SLCO3A1: variants seen among roughly 807,000 people sequenced by gnomAD.
The protein encoded by SLCO3A1 is solute carrier organic anion transporter family member 3A1, also known as PGE1 transporter.
In SLCO3A1, 27 loss-of-function variants were observed where a neutral mutation model predicts 63.1. That is an observed-to-expected ratio of 0.43 (90% CI 0.32 to 0.59). The LOEUF is 0.59. SLCO3A1 is among the 20% of genes least tolerant of loss of function. The pLI is 0.09. For synonymous variants in SLCO3A1, 473 were observed against 409.9 expected (o/e 1.15, Z -1.86); for missense variants, 773 against 945.8 (o/e 0.82, Z 2.40).
At chr15:92,081,981 C>A (rs2047352141) in intron 2 of SLCO3A1, among the ~76,000 whole-genome samples, 3 of 152,196 alleles carry the variant, frequency 2.0e-5, no homozygotes, top group African/African-American at 4.8e-5. Flanking sequence ...CTGGCTCTGT[C>A]ATGTACTGTG....
chr15:92,016,243 A>AGAT (rs1310625838), intron 2 of SLCO3A1, among the ~76,000 whole-genome samples: 1,790 of 64,726 alleles, frequency 0.028, 58 homozygotes, highest in African/African-American at 0.13. Context: ...ATAGATAGAT[A>AGAT]GATAGATAGA....
intron 1 of SLCO3A1, among the ~76,000 whole-genome samples, chr15:91,901,873 C>T (rs2151368554): frequency 6.6e-6 from 1 of 150,858 alleles, no homozygotes; most frequent in South Asian, 2.1e-4. Flanking sequence ...TATTTCACTA[C>T]ATTTTGGATG....
In SLCO3A1 at chr15:91,856,925, C is replaced by T. The variant is rs907506293; in HGVS notation, c.180+2837C>T. Reference sequence around the variant, plus strand: ...ATTTCCTTATTTTTTTCTGAAAAGACAAATTTCTCAGTGTCCTGAATGACA... The same window carrying T: ...ATTTCCTTATTTTTTTCTGAAAAGATAAATTTCTCAGTGTCCTGAATGACA... On this transcript the variant is annotated intron_variant, in intron 1 of 9. Coordinates refer to ENST00000318445, the MANE Select transcript of SLCO3A1 (RefSeq NM_013272.4). The surrounding 1 kb of genome is among the most constrained non-coding windows in gnomAD (Gnocchi z 4.9). Among the ~76,000 whole-genome samples the T allele has an allele frequency of 6.6e-6, 1 of 151,972 alleles. No individual in the cohort carries two copies. The highest frequency in any genetic ancestry group is 1.5e-5 in the Non-Finnish European group (1 of 68,018).
chr15:92,016,266 A>ATTGATTGAT (rs33962041), intron 2 of SLCO3A1, among the ~76,000 whole-genome samples: 22 of 135,008 alleles, frequency 1.6e-4, no homozygotes, highest in African/African-American at 5.9e-4. Context: ...AGATAGATAG[A>ATTGATTGAT]TAGATAGATA....
At chr15:92,124,282 G>A (rs2047895955) in intron 5 of SLCO3A1, among the ~76,000 whole-genome samples, 1 of 152,200 alleles carries the variant, frequency 6.6e-6, no homozygotes, top group African/African-American at 2.4e-5. Context: ...GAATTTCAGG[G>A]AAGTTCTGAT....
intron 2 of SLCO3A1, among the ~76,000 whole-genome samples, chr15:92,089,008 A>ATTATTTATTTATTTAT (rs1555431409): frequency 3.3e-5 from 3 of 90,582 alleles, no homozygotes; most frequent in Admixed American, 1.1e-4. Context: ...TTATTTATTT[A>ATTATTTATTTATTTAT]TTATTTATTT....
chr15:91,870,263 T>G (rs1897254999), intron 1 of SLCO3A1, among the ~76,000 whole-genome samples: 2 of 151,322 alleles, frequency 1.3e-5, no homozygotes, highest in South Asian at 2.1e-4. Context: ...GTAGATATAC[T>G]TATAAAATGT....
At chr15:92,132,014 C>T (rs1403340220) in intron 7 of SLCO3A1, among the ~76,000 whole-genome samples, 1 of 145,652 alleles carries the variant, frequency 6.9e-6, no homozygotes, top group Non-Finnish European at 1.5e-5. Context: ...TCAGCCATGG[C>T]TCTGGATAAA....
rs79784420 is a variant in SLCO3A1 at position 92,143,992 on chromosome 15, C to G, written c.1513-2992C>G. On this transcript the variant is annotated intron_variant, in intron 7 of 9. Transcript: ENST00000318445. ...ACCAGAGGTGGGCATGGCGCCTCCA[C>G]TGGTCAGCAGGGTAGGCAGAAAAGA... Among the ~76,000 whole-genome samples the G allele has an allele frequency of 1.1e-4, 17 of 152,330 alleles. No individual in the cohort carries two copies. The East Asian group carries it at 3.3e-3, about 29-fold the overall frequency.
chr15:92,064,431 A>G (rs1276208079), intron 2 of SLCO3A1, among the ~76,000 whole-genome samples: 1 of 83,852 alleles, frequency 1.2e-5, no homozygotes, highest in Non-Finnish European at 2.9e-5. Context: ...GCTGTGCAGA[A>G]GCTTTTTAGC....
chr15:92,099,345 C>T (rs552929100), intron 3 of SLCO3A1, among the ~76,000 whole-genome samples: 68 of 152,206 alleles, frequency 4.5e-4, no homozygotes, highest in African/African-American at 1.6e-3. Flanking sequence ...CCCTTCCTGT[C>T]TCCAGTTTCT....
intron 1 of SLCO3A1, among the ~76,000 whole-genome samples, chr15:91,881,942 G>A (rs578212915): frequency 6.6e-6 from 1 of 152,256 alleles, no homozygotes; most frequent in East Asian, 1.9e-4. Context: ...CTCTCTTCGG[G>A]TCTCTTTTAC....
At chr15:92,052,502 T>G (rs2046969939) in intron 2 of SLCO3A1, among the ~76,000 whole-genome samples, 1 of 152,132 alleles carries the variant, frequency 6.6e-6, no homozygotes, top group South Asian at 2.1e-4. Flanking sequence ...GAGTTCTTTC[T>G]CAGCAGTTTC....
intron 2 of SLCO3A1, among the ~76,000 whole-genome samples, chr15:92,069,465 C>CTTA (rs1042825761): frequency 2.0e-5 from 3 of 152,208 alleles, no homozygotes; most frequent in African/African-American, 7.2e-5. Context: ...TCTGCAAGGA[C>CTTA]TTATGTTGGT....
chr15:91,945,737 C>G (rs909570584), intron 2 of SLCO3A1, among the ~76,000 whole-genome samples: 3 of 152,184 alleles, frequency 2.0e-5, no homozygotes, highest in African/African-American at 7.2e-5. Flanking sequence ...TAGGTAGGAA[C>G]AATGTGATCC....
At chr15:91,984,920 C>CT (rs1471102289) in intron 2 of SLCO3A1, among the ~76,000 whole-genome samples, 2 of 151,942 alleles carry the variant, frequency 1.3e-5, no homozygotes, top group Non-Finnish European at 2.9e-5. Context: ...TCAACTCACA[C>CT]TTTTTTTTGC....
At chr15:91,913,340 T>C (rs1041079274) in intron 1 of SLCO3A1, among the ~76,000 whole-genome samples, 1 of 152,166 alleles carries the variant, frequency 6.6e-6, no homozygotes, top group Non-Finnish European at 1.5e-5. Context: ...CAATAATGGG[T>C]GTCATGGCCT....
At position 91,885,260 on chromosome 15, in the gene SLCO3A1, A is replaced by G. The variant is rs148112140; in HGVS notation, c.181-30733A>G. On this transcript the variant is annotated intron_variant, in intron 1 of 9. Coordinates refer to ENST00000318445, the MANE Select transcript of SLCO3A1 (RefSeq NM_013272.4). This position sits in a 1 kb window ranked among gnomAD's most constrained non-coding sequence, Gnocchi z 4.7. Reference sequence around the variant, plus strand: ...ACCCCTGGCTGGGCCTTTTCTCACCATCTTCCTTCTCCAGGGCTACCTCCT... The same window carrying G: ...ACCCCTGGCTGGGCCTTTTCTCACCGTCTTCCTTCTCCAGGGCTACCTCCT... Among the ~76,000 whole-genome samples, 5 of 152,170 alleles carry G rather than the reference A, an allele frequency of 3.3e-5. No homozygotes were observed. Among genetic ancestry groups the G allele is most frequent in the African/African-American group, 9.6e-5 (4 of 41,534 alleles).
At chr15:91,876,397 C>T (rs957835580) in intron 1 of SLCO3A1, among the ~76,000 whole-genome samples, 1 of 152,214 alleles carries the variant, frequency 6.6e-6, no homozygotes, top group African/African-American at 2.4e-5. Context: ...GGCACCAACG[C>T]AGACTGCCAA....
Sources: gnomAD v4.1 joint callset for allele counts (sites outside exome capture counted in the v4.1 genomes callset) on GRCh38, gnomAD v4.1.1 for gene constraint, Gnocchi (gnomAD v3.1) non-coding constraint, MANE v1.5 for transcripts, NCBI Gene and HGNC (gene_info 2026-07-23, HGNC 2026-07-21) for gene names.